The following RIMBP2 variants were observed in gnomAD, a reference collection of about 807,000 sequenced individuals.
RIMBP2 encodes the protein RIMS binding protein 2.
A neutral mutation model predicts 118.6 loss-of-function variants in RIMBP2; 48 were observed. That is an observed-to-expected ratio of 0.40 (90% CI 0.32 to 0.51). The LOEUF (loss-of-function observed/expected upper bound fraction) is 0.51, where lower values mean the gene tolerates loss of function less well. Among genes scored for constraint, RIMBP2 ranks in the 20% least tolerant of loss-of-function variants. The pLI is 0.41. For missense variants in RIMBP2, 1,551 were observed against 1,768.3 expected (o/e 0.88, Z 2.20); for synonymous variants, 762 against 742.9 (o/e 1.03, Z -0.42).
intron 2 of RIMBP2, among the ~76,000 whole-genome samples, chr12:130,594,893 G>T (rs1295334667): frequency 6.6e-6 from 1 of 152,172 alleles, no homozygotes. Context: ...CCTGAGCAAA[G>T]AAGGCCAAAC....
chr12:130,464,211 G>T (rs1454198865), intron 6 of RIMBP2, among the ~76,000 whole-genome samples: 1 of 152,202 alleles, frequency 6.6e-6, no homozygotes, highest in African/African-American at 2.4e-5. Flanking sequence ...CTCACATACT[G>T]GCTTTCGCCT....
intron 1 of RIMBP2, among the ~76,000 whole-genome samples, chr12:130,654,665 C>T (rs1334401872): frequency 6.6e-6 from 1 of 152,226 alleles, no homozygotes; most frequent in Non-Finnish European, 1.5e-5. Context: ...TACCAATTTT[C>T]CATGTTAGGC....
intron 14 of RIMBP2, chr12:130,430,625 A>AGTTTT (rs2077089335): frequency 1.1e-5 from 1 of 92,922 alleles, no homozygotes; most frequent in African/African-American, 4.5e-5. Context: ...TGGGACAGTC[A>AGTTTT]TTTTTTTTTT....
chr12:130,478,818 A>G, intron 5 of RIMBP2, 94 bp downstream of exon 5: 2 of 831,924 alleles, frequency 2.4e-6, no homozygotes, highest in Non-Finnish European at 3.9e-6. Flanking sequence ...CTGGGAGCCA[A>G]GGCCGCAGGT....
chr12:130,599,921 T>C (rs1318159420), intron 2 of RIMBP2, among the ~76,000 whole-genome samples: 4 of 151,600 alleles, frequency 2.6e-5, no homozygotes, highest in Non-Finnish European at 5.9e-5. Context: ...CTATTCAAAG[T>C]CCCCCCTCTG....
intron 2 of RIMBP2, among the ~76,000 whole-genome samples, chr12:130,595,043 T>A (rs2059472616): frequency 6.6e-6 from 1 of 152,232 alleles, no homozygotes; most frequent in African/African-American, 2.4e-5. Context: ...ATTAAATCTA[T>A]AAGATTGGCA....
At chr12:130,601,335 C>CAAAAAAAAAAA (rs35127958) in intron 2 of RIMBP2, among the ~76,000 whole-genome samples, 1 of 63,078 alleles carries the variant, frequency 1.6e-5, no homozygotes, top group Non-Finnish European at 3.0e-5. Context: ...AGAGGGCAGG[C>CAAAAAAAAAAA]AAAAAAAAAA....
chr12:130,573,590 T>C (rs2057860465), intron 2 of RIMBP2, among the ~76,000 whole-genome samples: 1 of 152,074 alleles, frequency 6.6e-6, no homozygotes, highest in African/African-American at 2.4e-5. Flanking sequence ...GTCTGAACAG[T>C]CTTTGAAGTT....
At chr12:130,575,268 G>C (rs2058013942) in intron 2 of RIMBP2, among the ~76,000 whole-genome samples, 1 of 135,950 alleles carries the variant, frequency 7.4e-6, no homozygotes, top group Non-Finnish European at 1.5e-5. Flanking sequence ...TACTAGAGTT[G>C]CTGGGGTCCC....
intron 4 of RIMBP2, among the ~76,000 whole-genome samples, chr12:130,488,671 T>C (rs993679917): frequency 6.6e-6 from 1 of 151,350 alleles, no homozygotes; most frequent in African/African-American, 2.4e-5. Context: ...TTTCTATCAC[T>C]AACCCTCTAT....
Position 130,434,685 on chromosome 12 carries a change from C to T in RIMBP2, c.2253+49G>A, listed in dbSNP as rs200763095. 29 of 1,572,362 alleles carry T rather than the reference C, an allele frequency of 1.8e-5. No homozygotes were observed. Among genetic ancestry groups the T allele is most frequent in the Admixed American group, 5.4e-5 (3 of 55,168 alleles). ...CTCTTGATCTCCACGGGGCCCGCTC[C>T]GAGCCCGCGCCCACCAGGAGGATGG... On this transcript the variant is annotated intron_variant, in intron 14 of 22. Transcript: ENST00000690449. This position sits in a 1 kb window ranked among gnomAD's most constrained non-coding sequence, Gnocchi z 5.7.
At position 130,450,777 on chromosome 12, in the gene RIMBP2, C is replaced by T. The variant is rs1267642469; in HGVS notation, c.504+418G>A. Among the ~76,000 whole-genome samples the T allele has an allele frequency of 6.6e-6, 1 of 152,036 alleles. No individual in the cohort carries two copies. Among genetic ancestry groups the T allele is most frequent in the Non-Finnish European group, 1.5e-5 (1 of 68,012 alleles). ...CCTCGGACTCAGACAAAAAGCCAAACGCTGTCCTCTGCCCCCGCCCCCTCT... is the reference window on the plus strand; with the variant it reads ...CCTCGGACTCAGACAAAAAGCCAAATGCTGTCCTCTGCCCCCGCCCCCTCT... On this transcript the variant is annotated intron_variant, in intron 8 of 22. Transcript: ENST00000690449. This position sits in a 1 kb window ranked among gnomAD's most constrained non-coding sequence, Gnocchi z 4.8.
chr12:130,412,359 C>T lies in RIMBP2; in HGVS notation c.3589+260G>A, dbSNP rs543419411. 2.6e-4 allele frequency among the ~76,000 whole-genome samples: 39 copies of T among 152,264 alleles called. No homozygotes were observed. The South Asian group carries it at 6.8e-3, about 27-fold the overall frequency. On this transcript the variant is annotated intron_variant, in intron 19 of 22. Transcript: ENST00000690449. ...TGCGATAAATTGTTTGCAAGCAAGA[C>T]GGTACTTCATCGCCCATTAGATCAT...
At chr12:130,645,256 A>G (rs1183416321) in intron 1 of RIMBP2, among the ~76,000 whole-genome samples, 2 of 152,054 alleles carry the variant, frequency 1.3e-5, no homozygotes, top group Non-Finnish European at 2.9e-5. Flanking sequence ...CACGCCTGGC[A>G]AATTTTTGTA....
chr12:130,595,863 A>G (rs1183056323), intron 2 of RIMBP2, among the ~76,000 whole-genome samples: 20 of 152,246 alleles, frequency 1.3e-4, no homozygotes, highest in Admixed American at 1.3e-3. Context: ...TCAAGTGTGC[A>G]AGGAGCTTAA....
intron 6 of RIMBP2, among the ~76,000 whole-genome samples, chr12:130,459,936 T>A (rs1230907589): frequency 1.3e-5 from 2 of 152,184 alleles, no homozygotes; most frequent in African/African-American, 2.4e-5. Context: ...CATCAGTCCA[T>A]CCTCAACCGT....
At chr12:130,545,747 C>T (rs1486953300) in intron 2 of RIMBP2, among the ~76,000 whole-genome samples, 1 of 152,206 alleles carries the variant, frequency 6.6e-6, no homozygotes, top group Non-Finnish European at 1.5e-5. Context: ...GAATCTTCTT[C>T]AAAGCTGTCA....
At chr12:130,443,617 G>A (rs922411076) in intron 10 of RIMBP2, among the ~76,000 whole-genome samples, 4 of 152,208 alleles carry the variant, frequency 2.6e-5, no homozygotes, top group African/African-American at 9.6e-5. Flanking sequence ...GTTAGTCCTG[G>A]ATGCTAATAA....
chr12:130,413,312 T>C (rs2075862760), intron 18 of RIMBP2, among the ~76,000 whole-genome samples: 1 of 152,048 alleles, frequency 6.6e-6, no homozygotes, highest in Admixed American at 6.5e-5. Flanking sequence ...CTTTCTCTCA[T>C]TTTCCCTACT....
Sources: allele counts gnomAD v4.1 joint callset (sites outside exome capture counted in the v4.1 genomes callset), GRCh38; gene constraint gnomAD v4.1.1; non-coding constraint Gnocchi (gnomAD v3.1); transcripts MANE v1.5; gene names NCBI Gene and HGNC (gene_info 2026-07-23, HGNC 2026-07-21).